Variants in FKBP15 observed in about 807,000 individuals in gnomAD.
The protein encoded by FKBP15 is FK506-binding protein 15.
In FKBP15, 106 loss-of-function variants were observed where a neutral mutation model predicts 158.1. That is an observed-to-expected ratio of 0.67 (90% CI 0.57 to 0.79). FKBP15 has a LOEUF of 0.79. Ranked by LOEUF, FKBP15 falls within the 30% of genes least tolerant of loss-of-function variation. The pLI is 0.00. For missense variants in FKBP15, 1,287 were observed against 1,479.1 expected, an observed-to-expected ratio of 0.87 and a Z score of 2.13; for synonymous variants, 547 against 548.6, an observed-to-expected ratio of 1.00 and a Z score of 0.04.
intron 1 of FKBP15, among the ~76,000 whole-genome samples, chr9:113,216,312 T>C (rs1446484471): frequency 2.0e-5 from 3 of 152,188 alleles, no homozygotes; most frequent in Non-Finnish European, 4.4e-5. Context: ...AAGTTTTATG[T>C]ATAGAGAAAT....
chr9:113,217,458 C>T (rs1402075305), intron 1 of FKBP15, among the ~76,000 whole-genome samples: 2 of 152,162 alleles, frequency 1.3e-5, no homozygotes, highest in African/African-American at 4.8e-5. Flanking sequence ...GATCCACCTG[C>T]GTTGGCCTCC....
At chr9:113,205,689 G>A (rs1457958685) in intron 4 of FKBP15, among the ~76,000 whole-genome samples, 1 of 152,044 alleles carries the variant, frequency 6.6e-6, no homozygotes, top group East Asian at 1.9e-4. Flanking sequence ...ATAGGAACTT[G>A]ACCATATACT....
At chr9:113,207,367 TTTCA>T in intron 2 of FKBP15, 71 bp from the exon 3 acceptor site, 1 of 1,238,964 alleles carries the variant, frequency 8.1e-7, no homozygotes, top group African/African-American at 1.6e-5. Flanking sequence ...AAAGACGGAG[TTTCA>T]CTTTGTCACC....
At chr9:113,194,430 TAAATAAA>T in intron 9 of FKBP15, among the ~76,000 whole-genome samples, 1 of 135,562 alleles carries the variant, frequency 7.4e-6, no homozygotes, top group Non-Finnish European at 1.6e-5. Flanking sequence ...AAAAAATAAA[TAAATAAA>T]TAATAAATAA....
chr9:113,197,007 A>C lies in FKBP15; in HGVS notation c.789T>G (p.Ala263=). ...AGCCTATTACCCCTTCTGAGCCAACAGCACAGGCTGGAGGGACAATAAGCA... is the reference window on the plus strand; with the variant it reads ...AGCCTATTACCCCTTCTGAGCCAACCGCACAGGCTGGAGGGACAATAAGCA... ...KRLLIVPPAC[A]VGSEGVIGWT... The change falls in exon 9 of 28, where the codon GCT becomes GCG. Residue 263 remains alanine, a synonymous_variant. Transcript: ENST00000238256. 6.2e-7 allele frequency: 1 copy of C among 1,613,998 alleles called. No individual in the cohort carries two copies. The highest frequency in any genetic ancestry group is 1.1e-5 in the South Asian group (1 of 91,084).
intron 17 of FKBP15, 113 bp from the exon 18 acceptor site, chr9:113,183,958 CACTAGAACTTATGTCCACATGT>C: frequency 1.3e-6 from 1 of 756,638 alleles, no homozygotes; most frequent in Non-Finnish European, 2.2e-6. Context: ...TGAGACAAAA[CACTAGAACTTATGTCCACATGT>C]ATGTTAAAAC....
intron 1 of FKBP15, among the ~76,000 whole-genome samples, chr9:113,218,376 A>ATT (rs1270841090): frequency 2.6e-4 from 11 of 42,520 alleles, no homozygotes; most frequent in African/African-American, 8.0e-4. Context: ...AGTAAATACA[A>ATT]TTATATATAT....
chr9:113,174,290 T>G, intron 22 of FKBP15, 138 bp downstream of exon 22: 2 of 888,286 alleles, frequency 2.3e-6, no homozygotes, highest in Non-Finnish European at 3.3e-6. Context: ...TCTGGATTAC[T>G]TTTTCTACCT....
At chr9:113,193,659 C>A in intron 10 of FKBP15, 110 bp from the exon 11 acceptor site, 1 of 871,578 alleles carries the variant, frequency 1.1e-6, no homozygotes, top group Non-Finnish European at 1.8e-6. Flanking sequence ...AATTTAATGA[C>A]TGTAAAACAG....
Position 113,184,489 on chromosome 9 carries a change from T to C in FKBP15, c.1609-90A>G. 9.3e-7 allele frequency: 1 copy of C among 1,079,802 alleles called. No homozygotes were observed. Among genetic ancestry groups the C allele is most frequent in the South Asian group, 1.4e-5 (1 of 73,452 alleles). The allele number at this position is 1,079,802 out of a possible 1,614,324, so 66.9% of individuals were successfully genotyped here. A position where few individuals can be genotyped will look rare whatever the true frequency, so the allele number is the denominator to read the frequency against. Reference sequence around the variant, plus strand: ...AGATTTGACCCTGTTGTTAAGGGGGTTAATGAGTTCCTGGGACAATCTCTA... The same window carrying C: ...AGATTTGACCCTGTTGTTAAGGGGGCTAATGAGTTCCTGGGACAATCTCTA... On this transcript the variant is annotated intron_variant, in intron 16 of 27. Coordinates refer to ENST00000238256, the MANE Select transcript of FKBP15 (RefSeq NM_015258.2). The surrounding 1 kb of genome is among the most constrained non-coding windows in gnomAD (Gnocchi z 4.5).
At chr9:113,215,667 T>TG (rs1831114529) in intron 1 of FKBP15, among the ~76,000 whole-genome samples, 1 of 106,778 alleles carries the variant, frequency 9.4e-6, no homozygotes, top group African/African-American at 3.6e-5. Flanking sequence ...TTTTTTTTTT[T>TG]GAGATGCAGT....
chr9:113,205,671 C>A (rs927119572), intron 4 of FKBP15, among the ~76,000 whole-genome samples: 1 of 152,118 alleles, frequency 6.6e-6, no homozygotes, highest in Non-Finnish European at 1.5e-5. Flanking sequence ...TCTTAGTATA[C>A]AGCCAAAATA....
chr9:113,190,529 C>A lies in FKBP15; in HGVS notation c.1115G>T (p.Gly372Val). 3 of 1,612,372 alleles carry A rather than the reference C, an allele frequency of 1.9e-6. No individual in the cohort carries two copies. Among genetic ancestry groups the A allele is most frequent in the Middle Eastern group, 1.6e-4 (1 of 6,062 alleles). ...TGGAAGGATGGGCAGCATGGGCTGG[C>A]CCATTTTAGCCATCCGAGAGATCAA... Reference protein sequence around the residue: ...AKLISRMAKMGQPMLPILPPQ... With the variant: ...AKLISRMAKMVQPMLPILPPQ... The change falls in exon 12 of 28, where the codon GGC becomes GTC. Residue 372 changes from glycine (G) to valine (V), a missense_variant. By Grantham distance (109) the Gly-to-Val change is moderately radical (BLOSUM62 -3). Transcript: ENST00000238256.
rs1313417170 is a variant in FKBP15 at position 113,199,907 on chromosome 9, G to A, written c.555C>T (p.Asp185=). 6.2e-7 allele frequency: 1 copy of A among 1,613,448 alleles called. No homozygotes were observed. Among genetic ancestry groups the A allele is most frequent in the Admixed American group, 1.7e-5 (1 of 59,932 alleles). The change falls in exon 7 of 28, where the codon GAC becomes GAT. Residue 185 remains aspartate (D), a synonymous_variant. Transcript: ENST00000238256. ...TSSLDAVLSQ[D]LIVADGPAVE... ...CAGCAGGGCCGTCTGCCACAATGAG[G>A]TCCTGGGAGAGCACTGCATCCAGGG...
At chr9:113,207,960 T>C (rs1398973862) in intron 2 of FKBP15, among the ~76,000 whole-genome samples, 2 of 152,188 alleles carry the variant, frequency 1.3e-5, no homozygotes, top group Non-Finnish European at 2.9e-5. Context: ...CTATAATATA[T>C]GAAAATAAAG....
intron 18 of FKBP15, 67 bp downstream of exon 18, chr9:113,183,684 C>A (rs1024600999): frequency 9.7e-7 from 1 of 1,029,164 alleles, no homozygotes. Context: ...AATACGTGTA[C>A]TTAAGCTGGG....
chr9:113,176,776 C>G, intron 20 of FKBP15, 103 bp from the exon 21 acceptor site: 1 of 1,287,332 alleles, frequency 7.8e-7, no homozygotes, highest in South Asian at 1.5e-5. Flanking sequence ...GGAGACAAAG[C>G]CTTGCTCCAT....
intron 4 of FKBP15, among the ~76,000 whole-genome samples, chr9:113,203,966 A>G (rs930776529): frequency 1.2e-4 from 19 of 152,174 alleles, no homozygotes; most frequent in African/African-American, 4.6e-4. Flanking sequence ...ATTGTCATGT[A>G]GTATTCTATT....
intron 6 of FKBP15, among the ~76,000 whole-genome samples, chr9:113,200,980 G>A (rs896638582): frequency 2.0e-5 from 3 of 150,738 alleles, no homozygotes; most frequent in East Asian, 3.9e-4. Context: ...GGAGGCGGAG[G>A]TTGCAGTGAG....
Sources: gnomAD v4.1 joint callset for allele counts (sites outside exome capture counted in the v4.1 genomes callset) on GRCh38, gnomAD v4.1.1 for gene constraint, Gnocchi (gnomAD v3.1) non-coding constraint, MANE v1.5 for transcripts, NCBI Gene and HGNC (gene_info 2026-07-23, HGNC 2026-07-21) for gene names.